The following NTM variants were observed in gnomAD, a reference collection of about 807,000 sequenced individuals.
The protein encoded by NTM is neurotrimin.
NTM carries 13 observed loss-of-function variants against 42.1 expected under a neutral mutation model. That is an observed-to-expected ratio of 0.31 (90% CI 0.20 to 0.49). The LOEUF is 0.49. NTM is among the 20% of genes least tolerant of loss of function. The pLI is 0.99. For missense variants in NTM, 373 were observed against 452.8 expected, an observed-to-expected ratio of 0.82 and a Z score of 1.60; for synonymous variants, 187 against 179.2, an observed-to-expected ratio of 1.04 and a Z score of -0.35.
chr11:132,107,526 T>C (rs1266757993), intron 2 of NTM, among the ~76,000 whole-genome samples: 9 of 148,424 alleles, frequency 6.1e-5, no homozygotes, highest in Non-Finnish European at 1.4e-4. Flanking sequence ...TCTTTTTTTT[T>C]CCTTTATTTA....
At chr11:132,072,276 A>G (rs186632793) in intron 2 of NTM, among the ~76,000 whole-genome samples, 22 of 152,334 alleles carry the variant, frequency 1.4e-4, no homozygotes, top group Admixed American at 1.2e-3. Flanking sequence ...TGTAAACCCC[A>G]GGATATGACA....
At chr11:132,028,324 A>C (rs1310507735) in intron 2 of NTM, among the ~76,000 whole-genome samples, 1 of 151,912 alleles carries the variant, frequency 6.6e-6, no homozygotes, top group Non-Finnish European at 1.5e-5. Flanking sequence ...CTGGGGTAAA[A>C]GAAACTGGAG....
At chr11:132,260,993 G>A (rs1273659682) in intron 4 of NTM, among the ~76,000 whole-genome samples, 1 of 152,198 alleles carries the variant, frequency 6.6e-6, no homozygotes, top group African/African-American at 2.4e-5. Flanking sequence ...TGGAAAGAGA[G>A]CATGCTTAGG....
chr11:131,858,925 T>C (rs755935284), intron 1 of NTM, among the ~76,000 whole-genome samples: 5 of 152,202 alleles, frequency 3.3e-5, no homozygotes, highest in Non-Finnish European at 5.9e-5. Context: ...CGGAAGTAGC[T>C]AGTAGAGAGC....
chr11:132,223,504 G>A (rs1335532194), intron 4 of NTM, among the ~76,000 whole-genome samples: 2 of 152,040 alleles, frequency 1.3e-5, no homozygotes, highest in Non-Finnish European at 2.9e-5. Context: ...GGACCCAGCC[G>A]GCACGCTCAC....
intron 2 of NTM, among the ~76,000 whole-genome samples, chr11:132,086,479 T>C (rs2059729126): frequency 6.6e-6 from 1 of 152,198 alleles, no homozygotes; most frequent in Admixed American, 6.5e-5. Flanking sequence ...CCCCTTTTAA[T>C]TAAGCTGAGT....
chr11:131,946,736 A>G (rs511311), intron 2 of NTM, among the ~76,000 whole-genome samples: 74,113 of 152,096 alleles, frequency 0.49, 18,375 homozygotes, highest in Admixed American at 0.61. Flanking sequence ...TATATCAACA[A>G]TATGCTCCCA....
chr11:131,703,826 C>T (rs1471609800), intron 1 of NTM, among the ~76,000 whole-genome samples: 2 of 152,166 alleles, frequency 1.3e-5, no homozygotes, highest in Non-Finnish European at 2.9e-5. Context: ...TACGTTGCTG[C>T]AGACCCAACA....
At chr11:131,471,317 C>G (rs1252603825) in intron 1 of NTM, among the ~76,000 whole-genome samples, 4 of 152,194 alleles carry the variant, frequency 2.6e-5, no homozygotes, top group Non-Finnish European at 5.9e-5. Context: ...GCTCATTCAA[C>G]CAGTTTTTAC....
chr11:132,126,404 C>G (rs181095911), intron 2 of NTM, among the ~76,000 whole-genome samples: 59 of 152,202 alleles, frequency 3.9e-4, no homozygotes, highest in Non-Finnish European at 6.8e-4. Context: ...TCCATCACCC[C>G]CTTCTTTTCT....
At chr11:132,174,752 G>T (rs1158919717) in intron 3 of NTM, among the ~76,000 whole-genome samples, 1 of 152,078 alleles carries the variant, frequency 6.6e-6, no homozygotes, top group East Asian at 1.9e-4. Flanking sequence ...GCCTCTCGGG[G>T]TTGCTGGAGT....
intron 3 of NTM, among the ~76,000 whole-genome samples, chr11:132,166,826 A>G (rs1317940207): frequency 6.6e-6 from 1 of 152,188 alleles, no homozygotes; most frequent in Admixed American, 6.5e-5. Context: ...TCCTAGCATT[A>G]TGGCTACTTT....
chr11:131,586,654 G>T (rs2058889523), intron 1 of NTM, among the ~76,000 whole-genome samples: 1 of 152,134 alleles, frequency 6.6e-6, no homozygotes, highest in Admixed American at 6.5e-5. Flanking sequence ...TTTGACCCCA[G>T]AAACTGTGAG....
chr11:131,450,954 G>A (rs1950438038), intron 1 of NTM, among the ~76,000 whole-genome samples: 1 of 151,988 alleles, frequency 6.6e-6, no homozygotes, highest in Non-Finnish European at 1.5e-5. Flanking sequence ...GACAGGGCAG[G>A]GCAATGGGAC....
intron 2 of NTM, among the ~76,000 whole-genome samples, chr11:132,125,442 A>G: frequency 8.5e-6 from 1 of 117,550 alleles, no homozygotes. Context: ...GTGGTGAGGT[A>G]TGAGTGTGTA....
Position 132,146,266 on chromosome 11 carries a change from C to G in NTM, c.168-16C>G. ...TCTCTCAGTCCCTTGACGTACCTGT[C>G]TGGTCTTCCCTTCAGGTGCACTATT... On this transcript the variant is annotated splice_polypyrimidine_tract_variant and intron_variant, in intron 2 of 8. Coordinates refer to ENST00000683400, the MANE Select transcript of NTM (RefSeq NM_001352005.2). The surrounding 1 kb of genome is among the most constrained non-coding windows in gnomAD (Gnocchi z 4.5). 6.2e-7 allele frequency: 1 copy of G among 1,613,952 alleles called. No individual in the cohort carries two copies. Among genetic ancestry groups the G allele is most frequent in the South Asian group, 1.1e-5 (1 of 91,048 alleles).
chr11:131,587,060 T>C (rs2058930556), intron 1 of NTM, among the ~76,000 whole-genome samples: 1 of 152,168 alleles, frequency 6.6e-6, no homozygotes, highest in South Asian at 2.1e-4. Context: ...CTACACCCAG[T>C]CATTACTCCA....
intron 1 of NTM, among the ~76,000 whole-genome samples, chr11:131,555,940 G>A (rs116689462): frequency 8.5e-5 from 13 of 152,164 alleles, no homozygotes; most frequent in Non-Finnish European, 1.8e-4. Flanking sequence ...AAATGTTCCA[G>A]ATGCCAACGG....
Position 131,796,562 on chromosome 11 carries a change from C to T in NTM, c.83-115002C>T, listed in dbSNP as rs1591920892. Among the ~76,000 whole-genome samples, 3 of 152,106 alleles carry T rather than the reference C, an allele frequency of 2.0e-5. No individual in the cohort carries two copies. In the South Asian group the frequency reaches 6.2e-4, roughly 32 times the overall value. The stretch of plus-strand genomic sequence containing the variant: ...TCTGCCTTCCACCCTTCTTAGTGAC[C>T]CCTTCTGAGGAGCCAACAGGAAACC... On this transcript the variant is annotated intron_variant, in intron 1 of 8. Coordinates refer to ENST00000683400, the MANE Select transcript of NTM (RefSeq NM_001352005.2).
Sources: allele counts gnomAD v4.1 joint callset (sites outside exome capture counted in the v4.1 genomes callset), GRCh38; gene constraint gnomAD v4.1.1; non-coding constraint Gnocchi (gnomAD v3.1); transcripts MANE v1.5; gene names NCBI Gene and HGNC (gene_info 2026-07-23, HGNC 2026-07-21).